The following PKHD1L1 variants were observed in gnomAD, a reference collection of about 807,000 sequenced individuals.
PKHD1L1 encodes the protein PKHD1 like 1, also known as fibrocystin-L.
Under a neutral mutation model 462.9 loss-of-function variants are expected in PKHD1L1, and 434 were observed. That is an observed-to-expected ratio of 0.94 (90% CI 0.87 to 1.02). The LOEUF (loss-of-function observed/expected upper bound fraction) is 1.02, where lower values mean the gene tolerates loss of function less well. Among genes scored for constraint, PKHD1L1 ranks in the 50% least tolerant of loss-of-function variants. PKHD1L1 has a pLI of 0.00. For missense variants in PKHD1L1, 5,202 were observed against 5,096.1 expected (o/e 1.02, Z -0.63); for synonymous variants, 1,781 against 1,750.0 (o/e 1.02, Z -0.44).
At position 109,464,269 on chromosome 8, in the gene PKHD1L1, C is replaced by A. The variant is rs529097022; in HGVS notation, c.7437C>A (p.His2479Gln). 210 of 1,612,128 alleles carry A rather than the reference C, an allele frequency of 1.3e-4. 1 individual carries two copies. In the South Asian group the frequency reaches 2.2e-3, roughly 17 times the overall value. ...FRLGRYPIHW[H>Q]LLGDLQFKSY... is the part of the protein sequence containing the mutation. The stretch of plus-strand genomic sequence containing the variant: ...TGGGGCGATATCCAATACATTGGCA[C>A]CTGCTTGGAGACTTACAGTTTAAAT... Residue 2479 changes from histidine (H) to glutamine (Q), a missense_variant, in exon 49 of 78, where the codon CAC becomes CAA. Transcript: ENST00000378402.
rs143614181 is a variant in PKHD1L1 at position 109,442,629 on chromosome 8, C to T, written c.4394-317C>T. On this transcript the variant is annotated intron_variant, in intron 35 of 77. Coordinates refer to ENST00000378402, the MANE Select transcript of PKHD1L1 (RefSeq NM_177531.6). ...GTTTTGTACATGTAAGATTTTGAACCTTTCACTCACGAAAAAAAAATTTTC... is the reference window on the plus strand; with the variant it reads ...GTTTTGTACATGTAAGATTTTGAACTTTTCACTCACGAAAAAAAAATTTTC... Among the ~76,000 whole-genome samples, 417 of 152,068 alleles carry T rather than the reference C, an allele frequency of 2.7e-3. 3 individuals carry two copies. The highest frequency in any genetic ancestry group is 9.4e-3 in the African/African-American group (389 of 41,506).
intron 47 of PKHD1L1, among the ~76,000 whole-genome samples, chr8:109,460,724 G>GC (rs766868049): frequency 1.3e-5 from 2 of 152,136 alleles, no homozygotes; most frequent in Non-Finnish European, 2.9e-5. Flanking sequence ...TTACAAACAA[G>GC]CCCAAAATGT....
chr8:109,444,947 T>C lies in PKHD1L1; in HGVS notation c.5078T>C (p.Val1693Ala). The change falls in exon 38 of 78, where the codon GTC (valine) becomes GCC (alanine). Residue 1693 changes from valine to alanine, a missense_variant. By Grantham distance (64) the Val-to-Ala change is moderately conservative. Around this residue, in one of 3 missense-constraint regions of PKHD1L1, gnomAD observed 4,497 missense variants for 4,336.8 expected, o/e 1.04. Transcript: ENST00000378402. ...GCCGTTTCTTCTGCAGGTGTAAAAG[T>C]CCTTATGGGTCATTTCCCATGTAAA... ...GFAVSSAGVKVLMGHFPCKVL... is the reference protein window; with the variant it reads ...GFAVSSAGVKALMGHFPCKVL... 6.2e-7 allele frequency: 1 copy of C among 1,613,996 alleles called. No homozygotes were observed. Among genetic ancestry groups the C allele is most frequent in the Non-Finnish European group, 8.5e-7 (1 of 1,179,874 alleles).
chr8:109,490,146 A>G (rs1818757559), intron 60 of PKHD1L1, 91 bp downstream of exon 60: 5 of 776,132 alleles, frequency 6.4e-6, no homozygotes, highest in Admixed American at 3.1e-5. Flanking sequence ...ATCTTATATT[A>G]GCTAAAATTA....
Position 109,487,890 on chromosome 8 carries a change from GAGGAAGGA to G in PKHD1L1, c.9880+1115_9880+1122del, listed in dbSNP as rs10661778. 2.5e-3 allele frequency among the ~76,000 whole-genome samples: 176 copies of G among 69,322 alleles called. 4 individuals are homozygous for G. The highest frequency in any genetic ancestry group is 4.6e-3 in the African/African-American group (78 of 16,958). The allele number at this position is 69,322 out of a possible 152,430, so 45.5% of individuals were successfully genotyped here. On this transcript the variant is annotated intron_variant, in intron 59 of 77. Coordinates refer to ENST00000378402, the MANE Select transcript of PKHD1L1 (RefSeq NM_177531.6). ...AGACAGAGAGAAAGAGAGAGAGAGA[GAGGAAGGA>G]AGGAAGGAAGGAAGGAAGGAAGGAA...
intron 67 of PKHD1L1, 22 bp downstream of exon 67, chr8:109,498,793 A>C (rs774884223): frequency 6.6e-7 from 1 of 1,524,630 alleles, no homozygotes; most frequent in South Asian, 1.2e-5. Context: ...GTCTTTTACA[A>C]ATCTTCTCAA....
intron 50 of PKHD1L1, 46 bp from the exon 51 acceptor site, chr8:109,475,072 A>G (rs2130866348): frequency 6.7e-7 from 1 of 1,503,494 alleles, no homozygotes; most frequent in East Asian, 2.3e-5. Flanking sequence ...GGAGTTTATT[A>G]GAGGTAGAGA....
chr8:109,436,286 T>G (rs1815403117), intron 29 of PKHD1L1, 52 bp from the exon 30 acceptor site: 1 of 1,545,896 alleles, frequency 6.5e-7, no homozygotes, highest in African/African-American at 1.4e-5. Context: ...ACATTTCTTT[T>G]TGTTATAGTT....
chr8:109,507,005 G>A (rs1347608987), intron 68 of PKHD1L1, among the ~76,000 whole-genome samples: 2 of 152,094 alleles, frequency 1.3e-5, no homozygotes, highest in African/African-American at 4.8e-5. Context: ...TGCATGATGA[G>A]TTTATCTTAC....
chr8:109,420,448 G>A, intron 22 of PKHD1L1, 70 bp from the exon 23 acceptor site: 3 of 989,524 alleles, frequency 3.0e-6, no homozygotes, highest in Non-Finnish European at 4.2e-6. Context: ...TCCTCTATTA[G>A]GTTAATTTTA....
At chr8:109,413,571 T>C (rs1813974406) in intron 21 of PKHD1L1, 26 bp downstream of exon 21, 1 of 1,479,044 alleles carries the variant, frequency 6.8e-7, no homozygotes, top group East Asian at 2.5e-5. Flanking sequence ...AATTTGAAAA[T>C]TACATTATAC....
intron 67 of PKHD1L1, among the ~76,000 whole-genome samples, chr8:109,501,615 T>C (rs1819418244): frequency 1.3e-5 from 2 of 152,218 alleles, no homozygotes; most frequent in South Asian, 2.1e-4. Flanking sequence ...TCAGACATTA[T>C]GTAGTAGAAG....
intron 59 of PKHD1L1, among the ~76,000 whole-genome samples, chr8:109,488,159 G>C (rs891852965): frequency 6.6e-6 from 1 of 151,882 alleles, no homozygotes; most frequent in African/African-American, 2.4e-5. Context: ...CTGAAAAATA[G>C]TTCATATAGG....
chr8:109,454,968 T>C (rs1816739259), intron 45 of PKHD1L1, 116 bp downstream of exon 45: 1 of 1,305,050 alleles, frequency 7.7e-7, no homozygotes. Flanking sequence ...TGTGTTAGGC[T>C]TCTCATGTCT....
intron 9 of PKHD1L1, among the ~76,000 whole-genome samples, chr8:109,392,516 C>G (rs1563731790): frequency 6.6e-6 from 1 of 151,584 alleles, no homozygotes; most frequent in Non-Finnish European, 1.5e-5. Flanking sequence ...TTTTTTAAAG[C>G]CAACAGCTAT....
At chr8:109,426,926 T>G in intron 24 of PKHD1L1, 76 bp from the exon 25 acceptor site, 1 of 839,552 alleles carries the variant, frequency 1.2e-6, no homozygotes, top group Non-Finnish European at 2.0e-6. Flanking sequence ...GTGCTAAGAT[T>G]ACAGGCGTGA....
intron 23 of PKHD1L1, among the ~76,000 whole-genome samples, chr8:109,421,350 G>T (rs1276152292): frequency 6.6e-6 from 1 of 151,940 alleles, no homozygotes; most frequent in Non-Finnish European, 1.5e-5. Flanking sequence ...ACAATTTTAT[G>T]ATTAAAATTA....
At chr8:109,489,837 A>G in intron 59 of PKHD1L1, 115 bp from the exon 60 acceptor site, 1 of 697,376 alleles carries the variant, frequency 1.4e-6, no homozygotes, top group South Asian at 1.7e-5. Flanking sequence ...GGATTAAAGG[A>G]GCAAAGAATA....
intron 25 of PKHD1L1, among the ~76,000 whole-genome samples, chr8:109,428,362 C>T (rs918958906): frequency 6.6e-6 from 1 of 152,002 alleles, no homozygotes; most frequent in African/African-American, 2.4e-5. Flanking sequence ...ATGTGTAGAC[C>T]CACATATATT....
Sources: allele counts gnomAD v4.1 joint callset (sites outside exome capture counted in the v4.1 genomes callset), GRCh38; gene constraint gnomAD v4.1.1; regional missense constraint gnomAD v4.1.1; transcripts MANE v1.5; gene names NCBI Gene and HGNC (gene_info 2026-07-23, HGNC 2026-07-21).